TPD52L1: variants seen among roughly 807,000 people sequenced by gnomAD.
The protein encoded by TPD52L1 is TPD52 like 1, also known as tumor protein D53.
Under a neutral mutation model 28.7 loss-of-function variants are expected in TPD52L1, and 18 were observed. The ratio of observed to expected loss-of-function variants is 0.63; its 90% CI spans 0.43 to 0.93. TPD52L1 has a LOEUF of 0.93. Ranked by LOEUF, TPD52L1 falls within the 40% of genes least tolerant of loss-of-function variation. The probability of loss-of-function intolerance (pLI) is 0.00; values close to 1 mark genes in which losing one functional copy is unlikely to be tolerated. For synonymous variants in TPD52L1, 75 were observed against 88.8 expected, an observed-to-expected ratio of 0.84 and a Z score of 0.88; for missense variants, 203 against 254.8, an observed-to-expected ratio of 0.80 and a Z score of 1.39.
At chr6:125,187,520 T>C (rs1451483646) in intron 1 of TPD52L1, among the ~76,000 whole-genome samples, 1 of 152,052 alleles carries the variant, frequency 6.6e-6, no homozygotes, top group African/African-American at 2.4e-5. Flanking sequence ...AAAATAAATA[T>C]CCATCAAAAG....
In TPD52L1 at chr6:125,263,057, G is replaced by A; in HGVS notation, c.*95G>A. The A allele has an allele frequency of 1.4e-6, 2 of 1,406,348 alleles. No individual in the cohort carries two copies. The highest frequency in any genetic ancestry group is 1.9e-6 in the Non-Finnish European group (2 of 1,068,942). The allele number at this position is 1,406,348 out of a possible 1,614,324, so 87.1% of individuals were successfully genotyped here. On this transcript the variant is annotated 3_prime_UTR_variant, in exon 7 of 7. Coordinates refer to ENST00000534000, the MANE Select transcript of TPD52L1 (RefSeq NM_003287.4). Reference sequence around the variant, plus strand: ...GATAAGAAGACCAAAATCCCGCTGGGAAAAACCCAGGCCTTGACATTGTTA... The same window carrying A: ...GATAAGAAGACCAAAATCCCGCTGGAAAAAACCCAGGCCTTGACATTGTTA...
intron 1 of TPD52L1, among the ~76,000 whole-genome samples, chr6:125,175,941 G>A (rs1791796617): frequency 6.6e-6 from 1 of 152,190 alleles, no homozygotes; most frequent in Admixed American, 6.5e-5. Flanking sequence ...TGAGCCATAT[G>A]TTTTGAGTGT....
chr6:125,227,498 C>G (rs906909992), intron 2 of TPD52L1, among the ~76,000 whole-genome samples: 15 of 152,152 alleles, frequency 9.9e-5, no homozygotes, highest in African/African-American at 3.6e-4. Flanking sequence ...TAGAGTGACA[C>G]TTTACAGTAA....
intron 4 of TPD52L1, among the ~76,000 whole-genome samples, chr6:125,249,338 C>A (rs926472417): frequency 1.3e-5 from 2 of 151,246 alleles, no homozygotes; most frequent in Non-Finnish European, 2.9e-5. Context: ...AAAATCTCTG[C>A]GTATTTATTT....
chr6:125,213,121 T>A (rs1794628004), intron 1 of TPD52L1, among the ~76,000 whole-genome samples: 1 of 152,236 alleles, frequency 6.6e-6, no homozygotes, highest in African/African-American at 2.4e-5. Flanking sequence ...GTGCTCAATT[T>A]TTTTTAACCT....
chr6:125,204,191 T>C (rs1277117072), intron 1 of TPD52L1, among the ~76,000 whole-genome samples: 1 of 152,178 alleles, frequency 6.6e-6, no homozygotes, highest in Non-Finnish European at 1.5e-5. Flanking sequence ...AAAGTGTGGC[T>C]TTAGCATTTG....
chr6:125,260,970 AAG>A (rs1797937761), intron 6 of TPD52L1: 1 of 43,970 alleles, frequency 2.3e-5, no homozygotes, highest in Non-Finnish European at 3.6e-5. Flanking sequence ...GAAAGAAAGA[AAG>A]AAAGAAAAGA....
chr6:125,262,972 G>A lies in TPD52L1; in HGVS notation c.*10G>A. On this transcript the variant is annotated 3_prime_UTR_variant, in exon 7 of 7. Transcript: ENST00000534000. ...GGAGCTGCAGTGCTAAGTCCAGCCA[G>A]CGTGCAGCTGCATCCAGAAACCGGC... is the stretch of plus-strand genomic sequence containing the variant. 1 of 1,609,696 alleles carries A rather than the reference G, an allele frequency of 6.2e-7. No individual in the cohort carries two copies. The highest frequency in any genetic ancestry group is 8.5e-7 in the Non-Finnish European group (1 of 1,178,238).
chr6:125,245,491 T>A (rs1796871640), intron 3 of TPD52L1, among the ~76,000 whole-genome samples: 1 of 152,180 alleles, frequency 6.6e-6, no homozygotes, highest in Non-Finnish European at 1.5e-5. Flanking sequence ...GTCTTCTGTG[T>A]TCTGCTACCA....
chr6:125,219,113 T>G (rs1331624789), intron 1 of TPD52L1, among the ~76,000 whole-genome samples: 1 of 151,956 alleles, frequency 6.6e-6, no homozygotes, highest in African/African-American at 2.4e-5. Flanking sequence ...ATGTTTCATT[T>G]TCTTTCCCTA....
chr6:125,203,583 G>GT, intron 1 of TPD52L1: 1 of 979,854 alleles, frequency 1.0e-6, no homozygotes, highest in Middle Eastern at 5.2e-4. Context: ...TAGAGCTGTT[G>GT]TTTGTCTGCA....
At chr6:125,236,215 TCCTAAAA>T (rs1310402801) in intron 3 of TPD52L1, among the ~76,000 whole-genome samples, 1 of 151,984 alleles carries the variant, frequency 6.6e-6, no homozygotes, top group Non-Finnish European at 1.5e-5. Flanking sequence ...AAATAAGGAG[TCCTAAAA>T]TCTTTAACAC....
intron 1 of TPD52L1, among the ~76,000 whole-genome samples, chr6:125,160,971 G>A (rs1042067389): frequency 1.6e-5 from 2 of 127,006 alleles, no homozygotes; most frequent in African/African-American, 5.9e-5. Context: ...TCCTGCCTCC[G>A]CTTCCTGAAT....
intron 1 of TPD52L1, chr6:125,203,645 T>C: frequency 1.0e-6 from 1 of 985,456 alleles, no homozygotes; most frequent in Non-Finnish European, 1.2e-6. Flanking sequence ...AAACCCTTGG[T>C]GTGTGCATAA....
At chr6:125,190,478 G>A (rs1046358486) in intron 1 of TPD52L1, among the ~76,000 whole-genome samples, 9 of 152,102 alleles carry the variant, frequency 5.9e-5, no homozygotes, top group African/African-American at 1.9e-4. Flanking sequence ...CTGGTTTCCT[G>A]GAAGACAGTT....
At chr6:125,186,656 G>C (rs74412327) in intron 1 of TPD52L1, among the ~76,000 whole-genome samples, 4,693 of 152,246 alleles carry the variant, frequency 0.031, 239 homozygotes, top group African/African-American at 0.11. Context: ...TGCCTTATGT[G>C]CTGTTAATAT....
chr6:125,227,072 T>C (rs1174698333), intron 2 of TPD52L1, among the ~76,000 whole-genome samples: 1 of 152,206 alleles, frequency 6.6e-6, no homozygotes, highest in Non-Finnish European at 1.5e-5. Context: ...ACTATGTTTG[T>C]AGAATATGTA....
In TPD52L1 at chr6:125,264,301, A is replaced by G. The variant is rs1030279129; in HGVS notation, c.*1339A>G. The stretch of plus-strand genomic sequence containing the variant: ...TCACTATTTAAAAAGCCCATATAAT[A>G]TATACATATTTGTTAGCATGCTAAT... On this transcript the variant is annotated 3_prime_UTR_variant, in exon 7 of 7. Transcript: ENST00000534000. The G allele has an allele frequency of 6.6e-6, 1 of 152,220 alleles. No individual in the cohort carries two copies. The highest frequency in any genetic ancestry group is 1.5e-5 in the Non-Finnish European group (1 of 68,040). The allele number at this position is 152,220 out of a possible 1,614,324, so 9.4% of individuals were successfully genotyped here. A position where few individuals can be genotyped will look rare whatever the true frequency, so the allele number is the denominator to read the frequency against.
intron 6 of TPD52L1, chr6:125,260,249 G>A (rs1797833778): frequency 6.6e-6 from 1 of 152,114 alleles, no homozygotes; most frequent in East Asian, 1.9e-4. Flanking sequence ...GAAGAAATAA[G>A]CATAGTGAAA....
Sources: allele counts gnomAD v4.1 joint callset (sites outside exome capture counted in the v4.1 genomes callset), GRCh38; gene constraint gnomAD v4.1.1; transcripts MANE v1.5; gene names NCBI Gene and HGNC (gene_info 2026-07-23, HGNC 2026-07-21).